The following ERAP1 variants were observed in gnomAD, a reference collection of about 807,000 sequenced individuals.
ERAP1 encodes the protein adipocyte-derived leucine aminopeptidase.
In ERAP1, 86 loss-of-function variants were observed where a neutral mutation model predicts 103.7. The observed-to-expected ratio is 0.83, with a 90% CI of 0.70 to 0.99. The LOEUF (loss-of-function observed/expected upper bound fraction) is 0.99, where lower values mean the gene tolerates loss of function less well. Ranked by LOEUF, ERAP1 falls within the 50% of genes least tolerant of loss-of-function variation. The pLI, the probability that ERAP1 is intolerant of heterozygous loss-of-function variation, is 0.00. For missense variants in ERAP1, 1,009 were observed against 1,128.4 expected, an observed-to-expected ratio of 0.89 and a Z score of 1.52; for synonymous variants, 398 against 402.4, an observed-to-expected ratio of 0.99 and a Z score of 0.13.
At chr5:96,837,824 A>G in the ERAP1 span, among the ~76,000 whole-genome samples, 1 of 152,158 alleles carries the variant, frequency 6.6e-6, no homozygotes, top group Non-Finnish European at 1.5e-5. Flanking sequence ...ATTGCTGGTG[A>G]AAGTGGCTCT....
At chr5:96,860,692 A>G in the ERAP1 span, among the ~76,000 whole-genome samples, 1 of 152,156 alleles carries the variant, frequency 6.6e-6, no homozygotes, top group Non-Finnish European at 1.5e-5. Flanking sequence ...AGACTTCCAC[A>G]AGAAGGAGTT....
the ERAP1 span, chr5:96,900,363 AC>A: frequency 1.3e-5 from 13 of 983,916 alleles, no homozygotes; most frequent in Admixed American, 1.5e-4. Context: ...ATTTAGGGGG[AC>A]AATGCTGTTG....
At chr5:96,917,076 T>G in the ERAP1 span, among the ~76,000 whole-genome samples, 1 of 152,144 alleles carries the variant, frequency 6.6e-6, no homozygotes, top group African/African-American at 2.4e-5. Flanking sequence ...ATTTGCAAGC[T>G]CTTTTGAAAA....
intron 6 of ERAP1, 33 bp from the exon 7 acceptor site, chr5:96,793,546 A>G (rs1776972451): frequency 6.7e-7 from 1 of 1,491,458 alleles, no homozygotes; most frequent in Non-Finnish European, 9.4e-7. Flanking sequence ...AAACAAAGAC[A>G]CTCAGAAAGA....
the ERAP1 span, among the ~76,000 whole-genome samples, chr5:96,813,692 C>T: frequency 1.4e-5 from 2 of 144,616 alleles, no homozygotes; most frequent in East Asian, 4.0e-4. Flanking sequence ...GGACTGCCTG[C>T]ATAAGGCATC....
chr5:96,928,677 C>T, the ERAP1 span, among the ~76,000 whole-genome samples: 1 of 152,188 alleles, frequency 6.6e-6, no homozygotes, highest in African/African-American at 2.4e-5. Flanking sequence ...CTAGGTTTTA[C>T]AGTAGCCCTA....
the ERAP1 span, among the ~76,000 whole-genome samples, chr5:96,841,789 A>T: frequency 2.7e-5 from 2 of 74,200 alleles, no homozygotes; most frequent in Admixed American, 1.4e-4. Flanking sequence ...TTTTACTCTT[A>T]AAATTTTTTT....
At chr5:96,784,111 A>G in intron 13 of ERAP1, 31 bp from the exon 14 acceptor site, 2 of 1,613,168 alleles carry the variant, frequency 1.2e-6, no homozygotes, top group Non-Finnish European at 1.7e-6. Context: ...TTAGTGGTTT[A>G]AAAGTAAATC....
chr5:96,881,043 A>G, the ERAP1 span: 2 of 173,982 alleles, frequency 1.1e-5, no homozygotes, highest in South Asian at 1.1e-4. Context: ...CAAGTGCTCT[A>G]AAGTGGGATT....
At chr5:96,877,936 T>C in the ERAP1 span, among the ~76,000 whole-genome samples, 18 of 152,336 alleles carry the variant, frequency 1.2e-4, no homozygotes, top group African/African-American at 4.3e-4. Context: ...ATTGAAGTAA[T>C]TGTTTGGATA....
At chr5:96,815,019 G>T in the ERAP1 span, among the ~76,000 whole-genome samples, 1 of 152,174 alleles carries the variant, frequency 6.6e-6, no homozygotes, top group Non-Finnish European at 1.5e-5. Flanking sequence ...ACCAGCCCAT[G>T]TCTACCTCTG....
downstream of ERAP1, chr5:96,773,685 G>C (rs185656802): frequency 6.6e-6 from 1 of 152,256 alleles, no homozygotes; most frequent in African/African-American, 2.4e-5. Flanking sequence ...ACTTTGAATG[G>C]TTTTCTAATA....
At chr5:96,767,419 A>G (rs1441179555) in intron 19 of ERAP1, 1 of 1,605,224 alleles carries the variant, frequency 6.2e-7, no homozygotes, top group Non-Finnish European at 8.5e-7. Flanking sequence ...CTTAACCAAT[A>G]GTCTGCCTTC....
At chr5:96,898,572 CA>C in the ERAP1 span, among the ~76,000 whole-genome samples, 97 of 94,450 alleles carry the variant, frequency 1.0e-3, no homozygotes, top group South Asian at 2.9e-3. Context: ...TACTAAAATA[CA>C]AAAAAAAAAA....
chr5:96,890,332 G>A, the ERAP1 span, among the ~76,000 whole-genome samples: 5 of 152,056 alleles, frequency 3.3e-5, no homozygotes, highest in Non-Finnish European at 7.4e-5. Context: ...CCTCACATGC[G>A]CAGTTCACAA....
downstream of ERAP1, chr5:96,773,794 T>C (rs544993790): frequency 2.0e-5 from 3 of 152,440 alleles, no homozygotes; most frequent in South Asian, 4.1e-4. Context: ...CAGGAAAAGA[T>C]GTCAGGTACA....
chr5:96,831,217 G>C, the ERAP1 span, among the ~76,000 whole-genome samples: 3 of 152,074 alleles, frequency 2.0e-5, no homozygotes, highest in African/African-American at 7.2e-5. Context: ...AGAGGAGGGA[G>C]GTGCTACACA....
chr5:96,889,309 T>A, the ERAP1 span: 9 of 1,614,066 alleles, frequency 5.6e-6, no homozygotes, highest in Non-Finnish European at 7.6e-6. Flanking sequence ...AAACTGGGTA[T>A]GTTCAAATTC....
intron 19 of ERAP1, among the ~76,000 whole-genome samples, chr5:96,764,614 C>G: frequency 6.6e-6 from 1 of 152,154 alleles, no homozygotes; most frequent in East Asian, 1.9e-4. Context: ...GGGTTTTGTG[C>G]TTTAGGAAGT....
Sources: allele counts gnomAD v4.1 joint callset (sites outside exome capture counted in the v4.1 genomes callset), GRCh38; gene constraint gnomAD v4.1.1; transcripts MANE v1.5; gene names NCBI Gene and HGNC (gene_info 2026-07-23, HGNC 2026-07-21).